The following GMEB1 variants were observed in gnomAD, a reference collection of about 807,000 sequenced individuals.
GMEB1 encodes glucocorticoid modulatory element-binding protein 1.
Under a neutral mutation model 52.4 loss-of-function variants are expected in GMEB1, and 6 were observed. The observed-to-expected ratio is 0.11, with a 90% CI of 0.06 to 0.23. GMEB1 has a LOEUF of 0.23. GMEB1 is among the 10% of genes least tolerant of loss of function. The pLI, the probability that GMEB1 is intolerant of heterozygous loss-of-function variation, is 1.00. For missense variants in GMEB1, 486 were observed against 685.6 expected (o/e 0.71, Z 3.25); for synonymous variants, 255 against 244.9 (o/e 1.04, Z -0.38).
intron 8 of GMEB1, among the ~76,000 whole-genome samples, chr1:28,707,011 G>T: frequency 1.0e-5 from 1 of 95,240 alleles, no homozygotes; most frequent in African/African-American, 4.4e-5. Flanking sequence ...TTGAGATGGA[G>T]TCTTGCTGTC....
intron 1 of GMEB1, among the ~76,000 whole-genome samples, chr1:28,671,104 CTTG>C (rs1387309839): frequency 6.6e-6 from 1 of 152,146 alleles, no homozygotes; most frequent in African/African-American, 2.4e-5. Flanking sequence ...GCATAATTTA[CTTG>C]TTGACCTCAT....
chr1:28,687,381 C>CAAAAAAAAAAAAAAAA lies in GMEB1; in HGVS notation c.129-2722_129-2721insAAAAAAAAAAAAAAAA, dbSNP rs1157094477. Among the ~76,000 whole-genome samples the CAAAAAAAAAAAAAAAA allele has an allele frequency of 6.3e-4, 17 of 27,164 alleles. 7 individuals carry two copies. The highest frequency in any genetic ancestry group is 3.8e-3 in the South Asian group (2 of 532). 17.8% of individuals were successfully genotyped at this position (27,164 alleles called of 152,430 possible). ...ACACACACACACACACACACACACA[C>CAAAAAAAAAAAAAAAA]ACACACAAAAAAAGACAGTGGAGAA... On this transcript the variant is annotated intron_variant, in intron 2 of 9. Transcript: ENST00000373816.
At chr1:28,677,478 T>C (rs1669212134) in intron 1 of GMEB1, among the ~76,000 whole-genome samples, 1 of 152,182 alleles carries the variant, frequency 6.6e-6, no homozygotes, top group Non-Finnish European at 1.5e-5. Flanking sequence ...ATTACAGGCG[T>C]GAGCCACCGT....
chr1:28,689,304 G>A (rs1026129120), intron 2 of GMEB1, among the ~76,000 whole-genome samples: 1 of 152,044 alleles, frequency 6.6e-6, no homozygotes, highest in African/African-American at 2.4e-5. Flanking sequence ...GGAATTACAG[G>A]TGTGAGCCAC....
At chr1:28,684,026 C>T (rs1412232576) in intron 2 of GMEB1, among the ~76,000 whole-genome samples, 1 of 151,992 alleles carries the variant, frequency 6.6e-6, no homozygotes, top group Non-Finnish European at 1.5e-5. Context: ...TTTCTTGAGA[C>T]AGAGTCTTAC....
intron 1 of GMEB1, among the ~76,000 whole-genome samples, chr1:28,674,749 C>T (rs549042530): frequency 1.2e-3 from 117 of 100,436 alleles, no homozygotes; most frequent in Middle Eastern, 0.013. Flanking sequence ...GACGGAGTCT[C>T]GCTCTGTCGC....
At position 28,705,430 on chromosome 1, in the gene GMEB1, C is replaced by T. The variant is rs115316505; in HGVS notation, c.868+1101C>T. On this transcript the variant is annotated intron_variant, in intron 8 of 9. Coordinates refer to ENST00000373816, the MANE Select transcript of GMEB1 (RefSeq NM_001319674.2). ...CTGACAGAAAGCATCCTCTCTCGCG[C>T]GATATATGTATTTTCTTTTTTTTTT... Among the ~76,000 whole-genome samples the T allele has an allele frequency of 3.6e-3, 528 of 147,440 alleles. 6 individuals are homozygous for T. The highest frequency in any genetic ancestry group is 0.013 in the African/African-American group (504 of 40,284).
At position 28,709,770 on chromosome 1, in the gene GMEB1, T is replaced by G. The variant is rs183287374; in HGVS notation, c.869-750T>G. Reference sequence around the variant, plus strand: ...TTTTATTTATTTATTTATTTATGATTATTATTATTTTTTACCCAGCTAATT... The same window carrying G: ...TTTTATTTATTTATTTATTTATGATGATTATTATTTTTTACCCAGCTAATT... On this transcript the variant is annotated intron_variant, in intron 8 of 9. Transcript: ENST00000373816. 7.8e-3 allele frequency among the ~76,000 whole-genome samples: 1,190 copies of G among 152,084 alleles called. 10 individuals carry two copies. Among genetic ancestry groups the G allele is most frequent in the African/African-American group, 0.025 (1,043 of 41,500 alleles).
Position 28,695,692 on chromosome 1 carries a change from A to C in GMEB1, c.441-1235A>C, listed in dbSNP as rs956465227. On this transcript the variant is annotated intron_variant, in intron 5 of 9. Transcript: ENST00000373816. ...GGTGGCTCACGCCTGTAATCCCAGCACTTTGGGAGGCCGAGGCGGGCGGAT... is the reference window on the plus strand; with the variant it reads ...GGTGGCTCACGCCTGTAATCCCAGCCCTTTGGGAGGCCGAGGCGGGCGGAT... Among the ~76,000 whole-genome samples, 165 of 150,512 alleles carry C rather than the reference A, an allele frequency of 1.1e-3. 2 individuals are homozygous for C. The highest frequency in any genetic ancestry group is 3.5e-3 in the African/African-American group (145 of 41,130).
intron 1 of GMEB1, among the ~76,000 whole-genome samples, chr1:28,672,112 CA>C (rs559906057): frequency 7.1e-5 from 10 of 140,086 alleles, no homozygotes; most frequent in Non-Finnish European, 9.3e-5. Context: ...AACTCCGTCT[CA>C]AAAAAAAAAT....
chr1:28,713,157 CAAAA>C (rs1222945447), intron 9 of GMEB1, among the ~76,000 whole-genome samples: 3 of 76,424 alleles, frequency 3.9e-5, no homozygotes, highest in Non-Finnish European at 2.5e-5. Context: ...GACTCCATCT[CAAAA>C]AAAAAAAAAA....
At chr1:28,694,428 T>C (rs1165978267) in intron 5 of GMEB1, among the ~76,000 whole-genome samples, 1 of 151,094 alleles carries the variant, frequency 6.6e-6, no homozygotes, top group African/African-American at 2.4e-5. Context: ...TCTTCTGACC[T>C]CCTGATCCAC....
Position 28,691,575 on chromosome 1 carries a change from C to G in GMEB1, c.212-10C>G. ...GTTTGATAAATAACTGATATTTTTTCTGTTTTCAGATACAGGCACTATAGA... is the reference window on the plus strand; with the variant it reads ...GTTTGATAAATAACTGATATTTTTTGTGTTTTCAGATACAGGCACTATAGA... On this transcript the variant is annotated splice_polypyrimidine_tract_variant and intron_variant, in intron 3 of 9. Transcript: ENST00000373816. The G allele has an allele frequency of 6.6e-7, 1 of 1,515,526 alleles. No homozygotes were observed. The highest frequency in any genetic ancestry group is 1.9e-5 in the Admixed American group (1 of 53,660). The allele number at this position is 1,515,526 out of a possible 1,614,324, so 93.9% of individuals were successfully genotyped here. A position where few individuals can be genotyped will look rare whatever the true frequency, so the allele number is the denominator to read the frequency against.
chr1:28,686,935 G>A (rs972026380), intron 2 of GMEB1, among the ~76,000 whole-genome samples: 1 of 152,096 alleles, frequency 6.6e-6, no homozygotes, highest in South Asian at 2.1e-4. Context: ...ATTGTGATAG[G>A]TGTTATGACA....
chr1:28,694,760 T>A (rs1253172993), intron 5 of GMEB1, among the ~76,000 whole-genome samples: 2 of 151,628 alleles, frequency 1.3e-5, no homozygotes, highest in Non-Finnish European at 2.9e-5. Context: ...GCCTCCCAGG[T>A]TCAAGTGATT....
intron 3 of GMEB1, among the ~76,000 whole-genome samples, chr1:28,690,699 G>C (rs1270056115): frequency 6.6e-6 from 1 of 152,136 alleles, no homozygotes; most frequent in Non-Finnish European, 1.5e-5. Flanking sequence ...AAAAACATCT[G>C]GTCGAGCGCA....
intron 9 of GMEB1, 46 bp downstream of exon 9, chr1:28,710,688 T>A (rs1399819278): frequency 1.2e-5 from 16 of 1,342,426 alleles, no homozygotes; most frequent in Non-Finnish European, 1.4e-5. Flanking sequence ...ATGCTAATAT[T>A]CTTGTCTTCC....
At chr1:28,703,672 TAAAAATAA>T (rs1005159924) in intron 7 of GMEB1, among the ~76,000 whole-genome samples, 1 of 151,278 alleles carries the variant, frequency 6.6e-6, no homozygotes, top group African/African-American at 2.4e-5. Context: ...AGAAAAAAAA[TAAAAATAA>T]AAAAATAAAA....
At chr1:28,669,036 G>C (rs1668745324) in intron 1 of GMEB1, among the ~76,000 whole-genome samples, 197 bp downstream of exon 1, 2 of 145,910 alleles carry the variant, frequency 1.4e-5, no homozygotes, top group Admixed American at 6.8e-5. Context: ...CGGCGCCGCG[G>C]GGGGGTGGGG....
Sources: gnomAD v4.1 joint callset for allele counts (sites outside exome capture counted in the v4.1 genomes callset) on GRCh38, gnomAD v4.1.1 for gene constraint, MANE v1.5 for transcripts, NCBI Gene and HGNC (gene_info 2026-07-23, HGNC 2026-07-21) for gene names.